The following DOCK9 variants were observed in gnomAD, a reference collection of about 807,000 sequenced individuals.
The protein encoded by DOCK9 is dedicator of cytokinesis protein 9.
A neutral mutation model predicts 263.3 loss-of-function variants in DOCK9; 89 were observed. That is an observed-to-expected ratio of 0.34 (90% confidence interval 0.28 to 0.40). DOCK9 has a LOEUF of 0.40. Among genes scored for constraint, DOCK9 ranks in the 10% least tolerant of loss-of-function variants. The probability of loss-of-function intolerance (pLI) is 1.00; values close to 1 mark genes in which losing one functional copy is unlikely to be tolerated. For synonymous variants in DOCK9, 976 were observed against 973.1 expected (o/e 1.00, Z -0.06); for missense variants, 2,140 against 2,603.4 (o/e 0.82, Z 3.87).
intron 1 of DOCK9, among the ~76,000 whole-genome samples, chr13:99,002,600 A>G (rs1257572811): frequency 6.6e-6 from 1 of 152,144 alleles, no homozygotes; most frequent in East Asian, 1.9e-4. Context: ...ACTTTTTTCT[A>G]CTAATGTTAC....
intron 9 of DOCK9, among the ~76,000 whole-genome samples, chr13:98,906,298 G>A (rs1474351293): frequency 6.6e-6 from 1 of 152,006 alleles, no homozygotes; most frequent in East Asian, 1.9e-4. Flanking sequence ...TTGAAGAGGT[G>A]GACAGAAGAG....
At chr13:98,808,515 T>C (rs1566547785) in intron 47 of DOCK9, 3 of 684,766 alleles carry the variant, frequency 4.4e-6, no homozygotes, top group African/African-American at 3.7e-5. Flanking sequence ...AGAGAGAAAA[T>C]GGTGCACAAA....
At chr13:98,851,489 C>A (rs1010945872) in intron 35 of DOCK9, among the ~76,000 whole-genome samples, 1 of 152,208 alleles carries the variant, frequency 6.6e-6, no homozygotes, top group Non-Finnish European at 1.5e-5. Context: ...CCTCAGCACA[C>A]ACCAGACGAA....
At chr13:98,874,299 A>C (rs1259082902) in intron 27 of DOCK9, among the ~76,000 whole-genome samples, 1 of 152,202 alleles carries the variant, frequency 6.6e-6, no homozygotes, top group East Asian at 1.9e-4. Flanking sequence ...AGATCCAACC[A>C]TGCTGTTGCA....
chr13:99,052,448 T>C (rs924631740), intron 1 of DOCK9, among the ~76,000 whole-genome samples: 5 of 152,354 alleles, frequency 3.3e-5, no homozygotes, highest in African/African-American at 1.2e-4. Flanking sequence ...CCACACTCCG[T>C]ATCCAAGGGT....
intron 1 of DOCK9, among the ~76,000 whole-genome samples, chr13:99,082,537 A>T (rs1035380611): frequency 1.5e-5 from 1 of 67,550 alleles, no homozygotes; most frequent in African/African-American, 5.4e-5. Flanking sequence ...TAATAATAAT[A>T]AATAAATAAA....
rs1555372702 is a variant in DOCK9, at chr13:98,870,912, A to AAC, written c.2944-2536_2944-2535insGT. On this transcript the variant is annotated intron_variant, in intron 27 of 52. Coordinates refer to ENST00000682017, the MANE Select transcript of DOCK9 (RefSeq NM_001366683.2). The stretch of plus-strand genomic sequence containing the variant: ...AAATATGTTGCCAAAAAAAAAAAAA[A>AAC]AGTCCAAACAGATGAAAAGAGAACA... Among the ~76,000 whole-genome samples, 105 of 151,638 alleles carry AAC rather than the reference A, an allele frequency of 6.9e-4. 1 individual carries two copies. The highest frequency in any genetic ancestry group is 2.3e-3 in the African/African-American group (96 of 41,196).
Position 98,885,005 on chromosome 13 carries a change from C to T in DOCK9, c.2348G>A (p.Gly783Asp). 6.2e-7 allele frequency: 1 copy of T among 1,613,616 alleles called. No individual in the cohort carries two copies. Among genetic ancestry groups the T allele is most frequent in the Non-Finnish European group, 8.5e-7 (1 of 1,179,750 alleles). Residue 783 changes from glycine (G) to aspartate (D), a missense_variant, in exon 21 of 53, where the codon GGC becomes GAC. By Grantham distance (94) the Gly-to-Asp change is moderately conservative. This residue lies in a region of DOCK9 where 1,521 missense variants were observed against 1,741.7 expected (regional missense o/e 0.87). Transcript: ENST00000682017. The stretch of plus-strand genomic sequence containing the variant: ...CCCAAGCTCCTGGTAGCCAAGATAG[C>T]CCGAAGGAAGGTTCGCCGAGACCGG... Reference protein sequence around the residue: ...HIPVSANLPSGYLGYQELGMG... With the variant: ...HIPVSANLPSDYLGYQELGMG...
chr13:99,020,164 A>G (rs1312821953), intron 1 of DOCK9, among the ~76,000 whole-genome samples: 1 of 152,358 alleles, frequency 6.6e-6, no homozygotes, highest in East Asian at 1.9e-4. Context: ...CCCACCCCAT[A>G]GGTTGTCAAG....
intron 25 of DOCK9, 37 bp downstream of exon 25, chr13:98,881,521 A>C: frequency 1.3e-6 from 2 of 1,536,752 alleles, no homozygotes; most frequent in Non-Finnish European, 1.8e-6. Flanking sequence ...CTGGAGAGCC[A>C]CAGATGTAAG....
intron 1 of DOCK9, among the ~76,000 whole-genome samples, chr13:99,038,433 T>G (rs1448788117): frequency 6.6e-6 from 1 of 150,628 alleles, no homozygotes; most frequent in Non-Finnish European, 1.5e-5. Flanking sequence ...GCCTCCCGAG[T>G]AGCTGGGATT....
chr13:98,916,682 G>C (rs923148946), intron 7 of DOCK9, among the ~76,000 whole-genome samples: 1 of 152,190 alleles, frequency 6.6e-6, no homozygotes, highest in Non-Finnish European at 1.5e-5. Context: ...TTCAAGGCAA[G>C]AACCAGGGAA....
At position 99,004,144 on chromosome 13, in the gene DOCK9, G is replaced by A. The variant is rs1324691212; in HGVS notation, c.130-48593C>T. The stretch of plus-strand genomic sequence containing the variant: ...TAAATCCTTCTACAAGGAGCCCTGC[G>A]TAGGTGCTTGTGGTACCTGTGCTTA... On this transcript the variant is annotated intron_variant, in intron 1 of 32. Transcript: ENST00000427887. 3.9e-5 allele frequency among the ~76,000 whole-genome samples: 6 copies of A among 152,280 alleles called. No homozygotes were observed. The East Asian group carries it at 9.7e-4, about 24-fold the overall frequency.
chr13:98,797,193 GTCT>G lies in DOCK9; in HGVS notation c.6075_6077del (p.Glu2025del). The G allele has an allele frequency of 1.2e-6, 2 of 1,613,876 alleles. No homozygotes were observed. Among genetic ancestry groups the G allele is most frequent in the Non-Finnish European group, 8.5e-7 (1 of 1,179,836 alleles). On this transcript the variant is annotated inframe_deletion, in exon 52 of 53. Coordinates refer to ENST00000682017, the MANE Select transcript of DOCK9 (RefSeq NM_001366683.2). Reference sequence around the variant, plus strand: ...TCATTTCTTCCTGATACTCGAGCTGGTCTTCTTTAATCAGACGTTCGTTTACCG... The same window carrying G: ...TCATTTCTTCCTGATACTCGAGCTGGTCTTTAATCAGACGTTCGTTTACCG...
Position 98,925,939 on chromosome 13 carries a change from A to G in DOCK9, c.334-20T>C. The G allele has an allele frequency of 6.6e-7, 1 of 1,517,068 alleles. No homozygotes were observed. Among genetic ancestry groups the G allele is most frequent in the Non-Finnish European group, 8.9e-7 (1 of 1,127,492 alleles). The allele number at this position is 1,517,068 out of a possible 1,614,324, so 94.0% of individuals were successfully genotyped here. On this transcript the variant is annotated intron_variant, in intron 3 of 52. Coordinates refer to ENST00000682017, the MANE Select transcript of DOCK9 (RefSeq NM_001366683.2). ...GATGCACTATTGAAGGGGGATTTTA[A>G]AAATAGAAAATAAAAAACAGAAAGA...
At chr13:99,011,188 T>C (rs1884415502) in intron 1 of DOCK9, among the ~76,000 whole-genome samples, 1 of 152,224 alleles carries the variant, frequency 6.6e-6, no homozygotes, top group Non-Finnish European at 1.5e-5. Flanking sequence ...TGTGCCACCA[T>C]GCCTGGCCTT....
intron 1 of DOCK9, among the ~76,000 whole-genome samples, chr13:99,026,231 A>T (rs1886703988): frequency 6.6e-6 from 1 of 152,232 alleles, no homozygotes; most frequent in Non-Finnish European, 1.5e-5. Context: ...CTCTGAATAT[A>T]CTGAAAACCA....
intron 2 of DOCK9, among the ~76,000 whole-genome samples, chr13:98,932,110 C>T (rs1595435080): frequency 6.6e-6 from 1 of 151,850 alleles, no homozygotes; most frequent in East Asian, 1.9e-4. Flanking sequence ...AGATCATAGT[C>T]GACTGGGCGC....
At chr13:99,044,514 T>G (rs897134086) in intron 1 of DOCK9, among the ~76,000 whole-genome samples, 1 of 152,150 alleles carries the variant, frequency 6.6e-6, no homozygotes, top group East Asian at 1.9e-4. Flanking sequence ...CACCACACCA[T>G]GGCAACCAGA....
Sources: gnomAD v4.1 joint callset for allele counts (sites outside exome capture counted in the v4.1 genomes callset) on GRCh38, gnomAD v4.1.1 for gene constraint, gnomAD v4.1.1 regional missense constraint, MANE v1.5 for transcripts, NCBI Gene and HGNC (gene_info 2026-07-23, HGNC 2026-07-21) for gene names.